TRHDE: variants seen among roughly 807,000 people sequenced by gnomAD.
The protein encoded by TRHDE is thyrotropin-releasing hormone-degrading ectoenzyme.
Under a neutral mutation model 125.7 loss-of-function variants are expected in TRHDE, and 72 were observed. That is an observed-to-expected ratio of 0.57 (90% CI 0.47 to 0.70). The LOEUF is 0.70. Ranked by LOEUF, TRHDE falls within the 30% of genes least tolerant of loss-of-function variation. TRHDE has a pLI of 0.00. For synonymous variants in TRHDE, 509 were observed against 509.1 expected (o/e 1.00, Z 0.00); for missense variants, 1,110 against 1,327.1 (o/e 0.84, Z 2.54).
At chr12:72,237,437 G>A (rs1878356559) in intron 2 of TRHDE, among the ~76,000 whole-genome samples, 1 of 152,144 alleles carries the variant, frequency 6.6e-6, no homozygotes, top group Non-Finnish European at 1.5e-5. Context: ...ATATATTGGG[G>A]TTTATTAATC....
intron 3 of TRHDE, among the ~76,000 whole-genome samples, chr12:72,411,436 A>G (rs184232076): frequency 8.5e-5 from 13 of 152,206 alleles, no homozygotes; most frequent in Non-Finnish European, 1.8e-4. Flanking sequence ...TAAATCTAAC[A>G]AAGATGTATA....
chr12:72,200,581 T>C (rs1297964186), intron 2 of TRHDE, among the ~76,000 whole-genome samples: 1 of 152,310 alleles, frequency 6.6e-6, no homozygotes, highest in East Asian at 1.9e-4. Context: ...AAATAAAAAT[T>C]ACAAAGTTTG....
In TRHDE at chr12:72,272,783, G is replaced by C; in HGVS notation, c.140G>C (p.Gly47Ala). Residue 47 changes from glycine to alanine, a missense_variant, in exon 1 of 19, where the codon GGG (glycine) becomes GCG (alanine). Physicochemically the swap from Gly to Ala is moderately conservative, Grantham distance 60. Transcript: ENST00000261180. This position sits in a 1 kb window ranked among gnomAD's most constrained non-coding sequence, Gnocchi z 6.7. ...KSSSPFAAAM[G>A]EDDAALRAGS... ...AGCTCACCCTTCGCAGCCGCGATGGGGGAAGACGACGCCGCGCTTCGGGCT... is the reference window on the plus strand; with the variant it reads ...AGCTCACCCTTCGCAGCCGCGATGGCGGAAGACGACGCCGCGCTTCGGGCT... 6.4e-7 allele frequency: 1 copy of C among 1,557,810 alleles called. No individual in the cohort carries two copies. Among genetic ancestry groups the C allele is most frequent in the African/African-American group, 1.4e-5 (1 of 73,902 alleles).
intron 2 of TRHDE, among the ~76,000 whole-genome samples, chr12:72,311,117 T>C (rs900955361): frequency 6.6e-5 from 10 of 152,152 alleles, no homozygotes; most frequent in Non-Finnish European, 2.9e-5. Flanking sequence ...AATCAAGATA[T>C]AGAACATTAC....
At chr12:72,617,747 G>A (rs1370075073) in intron 12 of TRHDE, among the ~76,000 whole-genome samples, 1 of 152,156 alleles carries the variant, frequency 6.6e-6, no homozygotes, top group Non-Finnish European at 1.5e-5. Context: ...AGTTCCAGCA[G>A]ATGAGAGCTT....
At chr12:72,460,704 G>A (rs1876088114) in intron 3 of TRHDE, among the ~76,000 whole-genome samples, 1 of 152,116 alleles carries the variant, frequency 6.6e-6, no homozygotes. Context: ...ACCAGTGGAT[G>A]GCAAGAAGGG....
At chr12:72,134,614 C>A (rs1478618067) in intron 2 of TRHDE, among the ~76,000 whole-genome samples, 2 of 151,846 alleles carry the variant, frequency 1.3e-5, no homozygotes, top group Non-Finnish European at 1.5e-5. Context: ...ATTGTATAAG[C>A]TGTAGGCTCC....
At chr12:72,203,097 G>T (rs1299778443) in intron 2 of TRHDE, among the ~76,000 whole-genome samples, 1 of 151,834 alleles carries the variant, frequency 6.6e-6, no homozygotes, top group Non-Finnish European at 1.5e-5. Flanking sequence ...AATGCTTATT[G>T]CTAGTTCATC....
intron 3 of TRHDE, among the ~76,000 whole-genome samples, chr12:72,405,698 A>G (rs1873237405): frequency 6.6e-6 from 1 of 152,192 alleles, no homozygotes; most frequent in Non-Finnish European, 1.5e-5. Context: ...AGCCTCACTA[A>G]AGCCTTTTTT....
chr12:72,669,132 T>C lies in TRHDE; in HGVS notation c.*5937T>C, dbSNP rs545881932. ...TCGGCCAACGAGACACACACACACA[T>C]GAAAAAAATAAGTGAAAAGACAGAA... On this transcript the variant is annotated 3_prime_UTR_variant, in exon 19 of 19. Transcript: ENST00000261180. 5 of 151,424 alleles carry C rather than the reference T, an allele frequency of 3.3e-5. No homozygotes were observed. Among genetic ancestry groups the C allele is most frequent in the East Asian group, 2.0e-4 (1 of 5,128 alleles). 9.4% of individuals were successfully genotyped at this position (151,424 alleles called of 1,614,324 possible).
intron 2 of TRHDE, among the ~76,000 whole-genome samples, chr12:72,246,255 ACT>A (rs896982617): frequency 5.4e-5 from 8 of 149,138 alleles, no homozygotes; most frequent in African/African-American, 1.9e-4. Flanking sequence ...GCATATAATA[ACT>A]CTTAAAATGT....
At chr12:72,345,959 A>C (rs1445815066) in intron 2 of TRHDE, among the ~76,000 whole-genome samples, 1 of 152,082 alleles carries the variant, frequency 6.6e-6, no homozygotes, top group Admixed American at 6.6e-5. Flanking sequence ...TTGATATGAC[A>C]TCAGTTTTAC....
chr12:72,284,060 C>T (rs1879791019), intron 1 of TRHDE, among the ~76,000 whole-genome samples: 1 of 151,832 alleles, frequency 6.6e-6, no homozygotes, highest in African/African-American at 2.4e-5. Context: ...GTTACAAAAC[C>T]CAAAACTTTT....
chr12:72,143,294 TCAA>T (rs951634501), intron 2 of TRHDE, among the ~76,000 whole-genome samples: 1 of 152,158 alleles, frequency 6.6e-6, no homozygotes, highest in African/African-American at 2.4e-5. Context: ...CTCTCCCATT[TCAA>T]CGGTGTTAGG....
At chr12:72,491,288 A>G (rs1015391990) in intron 5 of TRHDE, among the ~76,000 whole-genome samples, 2 of 151,894 alleles carry the variant, frequency 1.3e-5, no homozygotes, top group African/African-American at 4.8e-5. Context: ...AGAATGAGCT[A>G]TGTAATTAGA....
chr12:72,200,753 C>G (rs1373546045), intron 2 of TRHDE, among the ~76,000 whole-genome samples: 1 of 152,068 alleles, frequency 6.6e-6, no homozygotes, highest in African/African-American at 2.4e-5. Context: ...TTAACTTCGC[C>G]ATTTGTACAG....
At chr12:72,635,083 T>G (rs2136090951) in intron 15 of TRHDE, among the ~76,000 whole-genome samples, 1 of 151,090 alleles carries the variant, frequency 6.6e-6, no homozygotes, top group African/African-American at 2.4e-5. Flanking sequence ...CCACACTGAC[T>G]TCCACAATGG....
chr12:72,540,909 G>A (rs1040028261), intron 6 of TRHDE, among the ~76,000 whole-genome samples: 1 of 151,634 alleles, frequency 6.6e-6, no homozygotes, highest in East Asian at 1.9e-4. Context: ...ATAAAATACT[G>A]ACTTGGGAGC....
intron 2 of TRHDE, among the ~76,000 whole-genome samples, chr12:72,354,641 A>T (rs1192767677): frequency 1.3e-5 from 2 of 149,964 alleles, no homozygotes; most frequent in African/African-American, 4.9e-5. Flanking sequence ...TTTTATATTT[A>T]TAATAATTTT....
Sources: gnomAD v4.1 joint callset for allele counts (sites outside exome capture counted in the v4.1 genomes callset) on GRCh38, gnomAD v4.1.1 for gene constraint, Gnocchi (gnomAD v3.1) non-coding constraint, MANE v1.5 for transcripts, NCBI Gene and HGNC (gene_info 2026-07-23, HGNC 2026-07-21) for gene names.